Variants in ADAMTS19 observed in about 807,000 individuals in gnomAD.
ADAMTS19 encodes ADAM metallopeptidase with thrombospondin type 1 motif 19.
Under a neutral mutation model 153.3 loss-of-function variants are expected in ADAMTS19, and 93 were observed. That is an observed-to-expected ratio of 0.61 (90% CI 0.51 to 0.72). ADAMTS19 has a LOEUF of 0.72. Among genes scored for constraint, ADAMTS19 ranks in the 30% least tolerant of loss-of-function variants. The probability of loss-of-function intolerance (pLI) is 0.00; values close to 1 mark genes in which losing one functional copy is unlikely to be tolerated. For missense variants in ADAMTS19, 1,482 were observed against 1,552.1 expected (o/e 0.95, Z 0.76); for synonymous variants, 600 against 556.6 (o/e 1.08, Z -1.10).
At chr5:129,568,420 A>G (rs1753788392) in intron 7 of ADAMTS19, among the ~76,000 whole-genome samples, 1 of 152,156 alleles carries the variant, frequency 6.6e-6, no homozygotes, top group African/African-American at 2.4e-5. Context: ...TCCATTTGAA[A>G]TGGTAAAATA....
intron 13 of ADAMTS19, among the ~76,000 whole-genome samples, chr5:129,653,956 G>C (rs1006720751): frequency 3.3e-5 from 5 of 152,064 alleles, no homozygotes; most frequent in African/African-American, 1.2e-4. Context: ...AAGATGAAGA[G>C]GATATCATTT....
At position 129,509,071 on chromosome 5, in the gene ADAMTS19, T is replaced by A. The variant is rs768641692; in HGVS notation, c.748-6T>A. On this transcript the variant is annotated splice_polypyrimidine_tract_variant and splice_region_variant and intron_variant, in intron 2 of 22. Coordinates refer to ENST00000274487, the MANE Select transcript of ADAMTS19 (RefSeq NM_133638.6). Reference sequence around the variant, plus strand: ...CTTACATATCTTTTTGTGTTATATATTCCAGATGGGATTTATACAGCTCAA... The same window carrying A: ...CTTACATATCTTTTTGTGTTATATAATCCAGATGGGATTTATACAGCTCAA... 6.3e-7 allele frequency: 1 copy of A among 1,586,268 alleles called. No homozygotes were observed. The highest frequency in any genetic ancestry group is 2.3e-5 in the East Asian group (1 of 44,244).
At position 129,647,819 on chromosome 5, in the gene ADAMTS19, G is replaced by A. The variant is rs368867511; in HGVS notation, c.1927G>A (p.Gly643Arg). 7.4e-6 allele frequency: 12 copies of A among 1,613,956 alleles called. No homozygotes were observed. Among genetic ancestry groups the A allele is most frequent in the East Asian group, 2.2e-5 (1 of 44,892 alleles). The change falls in exon 12 of 23, where the codon GGA becomes AGA. Residue 643 changes from glycine (G) to arginine (R), a missense_variant. Physicochemically the swap from Gly to Arg is moderately radical, Grantham distance 125 (BLOSUM62 -2). This residue lies in a region of ADAMTS19 where 616 missense variants were observed against 724.4 expected (regional missense o/e 0.85). Coordinates refer to ENST00000274487, the MANE Select transcript of ADAMTS19 (RefSeq NM_133638.6). ...GACCTCAGCACCTGAACATCTGGCC[G>A]GAGAGTGGAGCCTGTGGAGTCCTTG... is the stretch of plus-strand genomic sequence containing the variant. ...SRTSAPEHLA[G>R]EWSLWSPCSR...
chr5:129,612,658 A>C (rs891293317), intron 8 of ADAMTS19, among the ~76,000 whole-genome samples: 2 of 152,178 alleles, frequency 1.3e-5, no homozygotes, highest in African/African-American at 4.8e-5. Context: ...AGCTAACATC[A>C]TAATGACAGG....
chr5:129,618,525 ATTTAAT>A (rs944275266), intron 8 of ADAMTS19, among the ~76,000 whole-genome samples: 1 of 151,992 alleles, frequency 6.6e-6, no homozygotes, highest in African/African-American at 2.4e-5. Context: ...TCAAAAACAT[ATTTAAT>A]TTTAACAATT....
At chr5:129,477,784 C>T (rs553334872) in intron 2 of ADAMTS19, among the ~76,000 whole-genome samples, 2 of 152,254 alleles carry the variant, frequency 1.3e-5, no homozygotes, top group South Asian at 4.1e-4. Context: ...ACGTTCTGAA[C>T]CTATTAATAA....
chr5:129,553,323 T>A (rs1307554926), intron 7 of ADAMTS19, among the ~76,000 whole-genome samples: 1 of 152,108 alleles, frequency 6.6e-6, no homozygotes, highest in Non-Finnish European at 1.5e-5. Flanking sequence ...GAAGAACCAA[T>A]TTCTGTTTTG....
intron 2 of ADAMTS19, among the ~76,000 whole-genome samples, chr5:129,464,449 G>T (rs1248363062): frequency 3.9e-5 from 6 of 152,192 alleles, no homozygotes; most frequent in African/African-American, 1.4e-4. Flanking sequence ...TTGCAGAGAA[G>T]AGGGTAGTTC....
At chr5:129,527,724 A>C (rs1290930966) in intron 4 of ADAMTS19, 24 bp from the exon 5 acceptor site, 1 of 1,360,628 alleles carries the variant, frequency 7.3e-7, no homozygotes, top group East Asian at 2.5e-5. Flanking sequence ...TAATTTTAGG[A>C]TTTTTATTTT....
rs1247329941 is a variant in ADAMTS19, at chr5:129,638,574, CAT to C, written c.1771-3283_1771-3282del. Among the ~76,000 whole-genome samples the C allele has an allele frequency of 5.0e-3, 271 of 54,348 alleles. 2 individuals carry two copies. Among genetic ancestry groups the C allele is most frequent in the African/African-American group, 0.028 (212 of 7,516 alleles). 35.7% of individuals were successfully genotyped at this position (54,348 alleles called of 152,430 possible). A position where few individuals can be genotyped will look rare whatever the true frequency, so the allele number is the denominator to read the frequency against. On this transcript the variant is annotated intron_variant, in intron 10 of 22. Transcript: ENST00000274487. ...GTACTCTCTGTCTCACACACACACA[CAT>C]ACACACACACACACACACACACACA...
At chr5:129,497,877 A>G (rs73242240) in intron 2 of ADAMTS19, among the ~76,000 whole-genome samples, 2,844 of 152,098 alleles carry the variant, frequency 0.019, 85 homozygotes, top group African/African-American at 0.065. Flanking sequence ...GGCCTCCCTC[A>G]TTCTACTTTT....
chr5:129,560,187 C>G (rs182924619), intron 7 of ADAMTS19, among the ~76,000 whole-genome samples: 1 of 152,250 alleles, frequency 6.6e-6, no homozygotes, highest in East Asian at 1.9e-4. Flanking sequence ...TCCATTGTTG[C>G]TCTTGAGGAT....
At chr5:129,560,720 G>T (rs1753478542) in intron 7 of ADAMTS19, among the ~76,000 whole-genome samples, 1 of 152,110 alleles carries the variant, frequency 6.6e-6, no homozygotes, top group South Asian at 2.1e-4. Flanking sequence ...CTTTATGTAT[G>T]TATTTTTATA....
chr5:129,730,999 C>A (rs6889833), intron 21 of ADAMTS19, among the ~76,000 whole-genome samples: 24,150 of 151,802 alleles, frequency 0.16, 2,111 homozygotes, highest in East Asian at 0.29. Flanking sequence ...CACTCTGTCA[C>A]CCAGGCTGGA....
intron 21 of ADAMTS19, among the ~76,000 whole-genome samples, chr5:129,707,841 C>T (rs980779218): frequency 5.3e-5 from 8 of 152,114 alleles, no homozygotes; most frequent in African/African-American, 1.4e-4. Flanking sequence ...ATTAAATGTA[C>T]AATTTTTTTA....
At chr5:129,519,884 C>T (rs558988464) in intron 3 of ADAMTS19, among the ~76,000 whole-genome samples, 1 of 152,138 alleles carries the variant, frequency 6.6e-6, no homozygotes, top group South Asian at 2.1e-4. Context: ...TTCTGGGATT[C>T]TTCACAACTT....
intron 2 of ADAMTS19, among the ~76,000 whole-genome samples, chr5:129,480,888 A>G (rs978202041): frequency 1.3e-5 from 2 of 152,202 alleles, no homozygotes; most frequent in African/African-American, 2.4e-5. Flanking sequence ...CTAAGAAGGA[A>G]GGACAAAACT....
chr5:129,702,941 A>AAAAATATATATATATATATATATAT, intron 20 of ADAMTS19, among the ~76,000 whole-genome samples: 15 of 29,260 alleles, frequency 5.1e-4, no homozygotes, highest in East Asian at 4.1e-3. Context: ...AAAAAAAAAA[A>AAAAATATATATATATATATATATAT]ATATATATAT....
intron 14 of ADAMTS19, among the ~76,000 whole-genome samples, chr5:129,657,582 A>G (rs1344036854): frequency 1.3e-5 from 2 of 152,190 alleles, no homozygotes; most frequent in Admixed American, 6.6e-5. Flanking sequence ...GAAGATTCCT[A>G]TGAACGAAAT....
Sources: gnomAD v4.1 joint callset for allele counts (sites outside exome capture counted in the v4.1 genomes callset) on GRCh38, gnomAD v4.1.1 for gene constraint, gnomAD v4.1.1 regional missense constraint, MANE v1.5 for transcripts, NCBI Gene and HGNC (gene_info 2026-07-23, HGNC 2026-07-21) for gene names.